The following SGPP2 variants were observed in gnomAD, a reference collection of about 807,000 sequenced individuals.
The protein encoded by SGPP2 is sphingosine 1-phosphate phosphohydrolase 2.
Under a neutral mutation model 33.9 loss-of-function variants are expected in SGPP2, and 30 were observed. The observed-to-expected ratio is 0.89, with a 90% confidence interval of 0.66 to 1.20. SGPP2 has a LOEUF of 1.20. Ranked by LOEUF, SGPP2 falls within the 50% of genes most tolerant of loss-of-function variation. The pLI is 0.00. For synonymous variants in SGPP2, 233 were observed against 225.0 expected, an observed-to-expected ratio of 1.04 and a Z score of -0.32; for missense variants, 458 against 532.1, an observed-to-expected ratio of 0.86 and a Z score of 1.37.
intron 1 of SGPP2, among the ~76,000 whole-genome samples, chr2:222,433,889 T>G (rs1258761013): frequency 6.6e-6 from 1 of 152,246 alleles, no homozygotes; most frequent in African/African-American, 2.4e-5. Context: ...AGGAAGGCTG[T>G]GGACAGCCGG....
intron 2 of SGPP2, among the ~76,000 whole-genome samples, chr2:222,484,595 G>A (rs1171757665): frequency 6.6e-6 from 1 of 152,146 alleles, no homozygotes; most frequent in African/African-American, 2.4e-5. Flanking sequence ...TATGCCAGCT[G>A]TAATGTCTTA....
intron 2 of SGPP2, among the ~76,000 whole-genome samples, chr2:222,505,131 A>G (rs1288784630): frequency 2.0e-5 from 3 of 152,192 alleles, no homozygotes; most frequent in Non-Finnish European, 4.4e-5. Context: ...GGATAGTGAG[A>G]GATATTCATA....
chr2:222,463,117 G>C (rs1697690561), intron 1 of SGPP2, among the ~76,000 whole-genome samples: 2 of 152,210 alleles, frequency 1.3e-5, no homozygotes, highest in Admixed American at 1.3e-4. Flanking sequence ...TTTAGGAGGA[G>C]CGTGGAGACA....
Position 222,558,988 on chromosome 2 carries a change from T to C in SGPP2, c.*90T>C, listed in dbSNP as rs888198518. 2 of 1,315,852 alleles carry C rather than the reference T, an allele frequency of 1.5e-6. No individual in the cohort carries two copies. Among genetic ancestry groups the C allele is most frequent in the African/African-American group, 2.9e-5 (2 of 67,930 alleles). The allele number at this position is 1,315,852 out of a possible 1,614,324, so 81.5% of individuals were successfully genotyped here. A position where few individuals can be genotyped will look rare whatever the true frequency, so the allele number is the denominator to read the frequency against. On this transcript the variant is annotated 3_prime_UTR_variant, in exon 5 of 5. Transcript: ENST00000321276. ...GGCAAATCTTGACAACTTATTTTTC[T>C]TTAACAACAACAAAAAGTCATACGG...
chr2:222,525,085 C>T, intron 4 of SGPP2, 52 bp downstream of exon 4: 2 of 1,338,156 alleles, frequency 1.5e-6, no homozygotes, highest in Non-Finnish European at 1.1e-6. Flanking sequence ...ATATTGTGGT[C>T]AGTGTGTCAA....
intron 4 of SGPP2, among the ~76,000 whole-genome samples, chr2:222,543,984 G>A (rs1007148121): frequency 6.6e-6 from 1 of 151,976 alleles, no homozygotes; most frequent in African/African-American, 2.4e-5. Flanking sequence ...CTCTATTTAG[G>A]TCTTTAGTTT....
intron 2 of SGPP2, among the ~76,000 whole-genome samples, chr2:222,496,412 C>T (rs915534874): frequency 6.6e-6 from 1 of 152,176 alleles, no homozygotes; most frequent in Non-Finnish European, 1.5e-5. Context: ...TTTCTGGAAA[C>T]ATTCCCTCCA....
At chr2:222,501,077 C>T (rs1698359573) in intron 2 of SGPP2, among the ~76,000 whole-genome samples, 3 of 152,178 alleles carry the variant, frequency 2.0e-5, no homozygotes, top group Admixed American at 1.3e-4. Context: ...GAACCAAATT[C>T]AGACAAACAG....
intron 1 of SGPP2, among the ~76,000 whole-genome samples, chr2:222,446,695 A>G (rs897601719): frequency 5.3e-5 from 8 of 152,166 alleles, no homozygotes; most frequent in Non-Finnish European, 8.8e-5. Context: ...ATTTTTGGCT[A>G]AACAGTGGAA....
intron 4 of SGPP2, among the ~76,000 whole-genome samples, chr2:222,555,805 A>G (rs917833360): frequency 1.3e-5 from 2 of 152,194 alleles, no homozygotes; most frequent in African/African-American, 4.8e-5. Context: ...GCTGAATTTT[A>G]AAGGTCTGAT....
chr2:222,556,374 G>C (rs1689399368), intron 4 of SGPP2, among the ~76,000 whole-genome samples: 1 of 151,896 alleles, frequency 6.6e-6, no homozygotes. Context: ...TACTGGTAAA[G>C]CCCTGGAGCC....
chr2:222,547,420 A>G (rs1329489859), intron 4 of SGPP2, among the ~76,000 whole-genome samples: 1 of 152,208 alleles, frequency 6.6e-6, no homozygotes, highest in African/African-American at 2.4e-5. Flanking sequence ...ATTTATGTGA[A>G]TTATGGGTGG....
intron 1 of SGPP2, among the ~76,000 whole-genome samples, chr2:222,431,459 T>C (rs189628640): frequency 2.0e-3 from 308 of 152,170 alleles, no homozygotes; most frequent in Middle Eastern, 0.01. Context: ...TGAGCCAAGA[T>C]CATGCCACTG....
chr2:222,556,366 C>T (rs1169394971), intron 4 of SGPP2, among the ~76,000 whole-genome samples: 1 of 151,956 alleles, frequency 6.6e-6, no homozygotes, highest in African/African-American at 2.4e-5. Flanking sequence ...GAAGTGCGTA[C>T]TGGTAAAGCC....
intron 1 of SGPP2, among the ~76,000 whole-genome samples, chr2:222,443,409 A>G (rs1574833194): frequency 2.0e-5 from 3 of 152,024 alleles, no homozygotes; most frequent in African/African-American, 7.2e-5. Context: ...CCCAGTGTCT[A>G]TCGTTCCCAT....
chr2:222,491,376 A>G (rs937439017), intron 2 of SGPP2, among the ~76,000 whole-genome samples: 3 of 152,208 alleles, frequency 2.0e-5, no homozygotes, highest in Admixed American at 1.3e-4. Flanking sequence ...TGGGTGATTT[A>G]TAAACAACGG....
Position 222,559,176 on chromosome 2 carries a change from G to GCC in SGPP2, c.*280_*281dup, listed in dbSNP as rs878972264. 9,186 of 42,112 alleles carry GCC rather than the reference G, an allele frequency of 0.22. 1,129 individuals are homozygous for GCC. Among genetic ancestry groups the GCC allele is most frequent in the East Asian group, 0.51 (1,463 of 2,846 alleles). 2.6% of individuals were successfully genotyped at this position (42,112 alleles called of 1,614,324 possible). On this transcript the variant is annotated 3_prime_UTR_variant, in exon 5 of 5. Coordinates refer to ENST00000321276, the MANE Select transcript of SGPP2 (RefSeq NM_152386.4). Reference sequence around the variant, plus strand: ...CACACACCGCGCCCCCCCCCCCCCCGCCCGGCCCCTGCTCCTCTCGCTGTT... The same window carrying GCC: ...CACACACCGCGCCCCCCCCCCCCCCGCCCCCGGCCCCTGCTCCTCTCGCTGTT...
chr2:222,530,728 A>G (rs565030116), intron 4 of SGPP2, among the ~76,000 whole-genome samples: 2 of 152,192 alleles, frequency 1.3e-5, no homozygotes, highest in Non-Finnish European at 2.9e-5. Context: ...TCATGTATTC[A>G]TTGGAGTAGC....
Position 222,525,615 on chromosome 2 carries a change from A to G in SGPP2, c.648+582A>G, listed in dbSNP as rs575324763. On this transcript the variant is annotated intron_variant, in intron 4 of 4. Coordinates refer to ENST00000321276, the MANE Select transcript of SGPP2 (RefSeq NM_152386.4). ...CAGGGCCGCCATGATTGGCACAGTT[A>G]AAATTCCTTGAGAATTCAGTTTCCC... 7.9e-5 allele frequency among the ~76,000 whole-genome samples: 12 copies of G among 152,356 alleles called. No individual in the cohort carries two copies. In the South Asian group the frequency reaches 2.5e-3, roughly 32 times the overall value.
Sources: gnomAD v4.1 joint callset for allele counts (sites outside exome capture counted in the v4.1 genomes callset) on GRCh38, gnomAD v4.1.1 for gene constraint, MANE v1.5 for transcripts, NCBI Gene and HGNC (gene_info 2026-07-23, HGNC 2026-07-21) for gene names.